Variants in KHDC1 observed in about 807,000 individuals in gnomAD.
KHDC1 encodes the protein KH domain containing 1.
Under a neutral mutation model 24.7 loss-of-function variants are expected in KHDC1, and 21 were observed. That is an observed-to-expected ratio of 0.85 (90% CI 0.60 to 1.23). The LOEUF is 1.23. Among genes scored for constraint, KHDC1 ranks in the 50% most tolerant of loss-of-function variants. The probability of loss-of-function intolerance (pLI) is 0.00; values close to 1 mark genes in which losing one functional copy is unlikely to be tolerated. For missense variants in KHDC1, 274 were observed against 298.5 expected (o/e 0.92, Z 0.61); for synonymous variants, 98 against 111.7 (o/e 0.88, Z 0.77).
At chr6:73,279,575 A>ATTTTTTTTT (rs560281126) in intron 2 of KHDC1, among the ~76,000 whole-genome samples, 2 of 98,310 alleles carry the variant, frequency 2.0e-5, no homozygotes, top group South Asian at 4.4e-4. Flanking sequence ...GGGACCATGG[A>ATTTTTTTTT]TTTTTTTTTT....
exon 1 of KHDC1, chr6:73,309,921 A>C: frequency 1.8e-6 from 1 of 541,660 alleles, no homozygotes; most frequent in Admixed American, 3.9e-5. Context: ...CCACCGCGAG[A>C]AGTGGGCACG....
intron 2 of KHDC1, among the ~76,000 whole-genome samples, chr6:73,282,174 C>T (rs968482554): frequency 2.1e-5 from 3 of 140,320 alleles, no homozygotes; most frequent in Middle Eastern, 3.5e-3. Flanking sequence ...GCCAAGATTA[C>T]ACCACTGCAC....
At chr6:73,265,420 T>C (rs1767061047) in intron 2 of KHDC1, among the ~76,000 whole-genome samples, 1 of 149,706 alleles carries the variant, frequency 6.7e-6, no homozygotes, top group Admixed American at 6.7e-5. Context: ...TCCCAGCTAC[T>C]CGGGAGGCTG....
intron 1 of KHDC1, chr6:73,292,729 A>G: frequency 2.7e-6 from 2 of 743,350 alleles, no homozygotes; most frequent in South Asian, 2.7e-5. Context: ...CAGCAGTCAT[A>G]GCAAACAAGG....
intron 1 of KHDC1, chr6:73,293,174 C>T: frequency 1.4e-6 from 1 of 725,110 alleles, no homozygotes; most frequent in South Asian, 1.4e-5. Context: ...AAAAGCCTTT[C>T]TTTTAGAAGC....
At chr6:73,280,370 C>T (rs1034416150) in intron 2 of KHDC1, among the ~76,000 whole-genome samples, 2 of 151,606 alleles carry the variant, frequency 1.3e-5, no homozygotes, top group African/African-American at 4.8e-5. Context: ...GCCATGTTGT[C>T]CAGGCTGGTC....
At chr6:73,263,147 A>AG (rs1767015944) in intron 2 of KHDC1, 1 of 988,088 alleles carries the variant, frequency 1.0e-6, no homozygotes, top group Non-Finnish European at 1.2e-6. Flanking sequence ...CGACCCTTCC[A>AG]GGGGTCCCGG....
chr6:73,304,039 C>G (rs1430660256), intron 1 of KHDC1, among the ~76,000 whole-genome samples: 1 of 151,958 alleles, frequency 6.6e-6, no homozygotes, highest in Non-Finnish European at 1.5e-5. Flanking sequence ...CTTAGCCAGG[C>G]GTGGTGGCAG....
intron 4 of KHDC1, 148 bp downstream of exon 3, chr6:73,241,907 A>T: frequency 1.9e-6 from 2 of 1,071,078 alleles, no homozygotes; most frequent in Non-Finnish European, 1.3e-6. Context: ...CCACAAAAAA[A>T]GATGAGCACT....
chr6:73,309,650 C>T, exon 1 of KHDC1: 1 of 1,550,116 alleles, frequency 6.5e-7, no homozygotes, highest in Non-Finnish European at 8.7e-7. Flanking sequence ...GATCAGGACT[C>T]CGTATTCTGA....
intron 2 of KHDC1, among the ~76,000 whole-genome samples, chr6:73,280,893 A>G (rs1767391498): frequency 6.6e-6 from 1 of 151,950 alleles, no homozygotes; most frequent in Non-Finnish European, 1.5e-5. Flanking sequence ...GTGATCATAT[A>G]TCTTCTTCCT....
At chr6:73,279,600 A>G (rs567870543) in intron 2 of KHDC1, among the ~76,000 whole-genome samples, 24 of 90,178 alleles carry the variant, frequency 2.7e-4, no homozygotes, top group Non-Finnish European at 4.8e-4. Context: ...TTTTTTTTTG[A>G]AGAGATGTGG....
intron 2 of KHDC1, among the ~76,000 whole-genome samples, chr6:73,282,073 C>T (rs1005732038): frequency 6.6e-6 from 1 of 151,586 alleles, no homozygotes; most frequent in African/African-American, 2.4e-5. Flanking sequence ...CAAAAATTAG[C>T]CGGGCGTGGT....
At chr6:73,296,798 A>G (rs1241521758) in intron 1 of KHDC1, among the ~76,000 whole-genome samples, 1 of 152,168 alleles carries the variant, frequency 6.6e-6, no homozygotes, top group Non-Finnish European at 1.5e-5. Context: ...AATAGGTAGT[A>G]TGCATTACAC....
At chr6:73,284,664 A>G (rs1582577653) in intron 2 of KHDC1, 1 of 152,060 alleles carries the variant, frequency 6.6e-6, no homozygotes, top group African/African-American at 2.4e-5. Context: ...GCAGCAGGCA[A>G]GAAGAATCTG....
chr6:73,306,010 G>A (rs1767955708), intron 1 of KHDC1, among the ~76,000 whole-genome samples: 1 of 151,996 alleles, frequency 6.6e-6, no homozygotes, highest in Non-Finnish European at 1.5e-5. Context: ...GTAAGTTTTG[G>A]GTTATTAGTT....
chr6:73,306,350 C>T (rs1334345864), intron 1 of KHDC1, among the ~76,000 whole-genome samples: 1 of 152,270 alleles, frequency 6.6e-6, no homozygotes, highest in Admixed American at 6.5e-5. Flanking sequence ...ATTAAGCTCC[C>T]TCTTCCCCCA....
intron 2 of KHDC1, 67 bp downstream of exon 1, chr6:73,262,707 C>A (rs1767002120): frequency 3.1e-6 from 3 of 983,338 alleles, no homozygotes; most frequent in Non-Finnish European, 3.6e-6. Flanking sequence ...AGCTCACTTT[C>A]CTTATCTGTA....
rs370446904 is a variant in KHDC1 at position 73,298,423 on chromosome 6, A to ATTTTTTTTTTTTTTTTT, written c.164-6400_164-6384dup. 1.7e-4 allele frequency among the ~76,000 whole-genome samples: 10 copies of ATTTTTTTTTTTTTTTTT among 59,974 alleles called. 1 individual carries two copies. Among genetic ancestry groups the ATTTTTTTTTTTTTTTTT allele is most frequent in the African/African-American group, 7.5e-4 (10 of 13,290 alleles). 39.3% of individuals were successfully genotyped at this position (59,974 alleles called of 152,430 possible). ...CCTGGAAGGACTCTATACTTTGCAA[A>ATTTTTTTTTTTTTTTTT]TTTTTTTTTTTTTTTTTTTTTTTTT... is the stretch of plus-strand genomic sequence containing the variant. On this transcript the variant is annotated intron_variant, in intron 1 of 4. Transcript: ENST00000370384.
Sources: gnomAD v4.1 joint callset for allele counts (sites outside exome capture counted in the v4.1 genomes callset) on GRCh38, gnomAD v4.1.1 for gene constraint, MANE v1.5 for transcripts, NCBI Gene and HGNC (gene_info 2026-07-23, HGNC 2026-07-21) for gene names.